CNOT10: variants seen among roughly 807,000 people sequenced by gnomAD.
The protein encoded by CNOT10 is CCR4-NOT transcription complex, subunit 10.
Under a neutral mutation model 94.6 loss-of-function variants are expected in CNOT10, and 30 were observed. The ratio of observed to expected loss-of-function variants is 0.32; its 90% confidence interval spans 0.24 to 0.43. The LOEUF (loss-of-function observed/expected upper bound fraction) is 0.43, where lower values mean the gene tolerates loss of function less well. Ranked by LOEUF, CNOT10 falls within the 20% of genes least tolerant of loss-of-function variation. The pLI, the probability that CNOT10 is intolerant of heterozygous loss-of-function variation, is 1.00. For synonymous variants in CNOT10, 289 were observed against 301.6 expected, an observed-to-expected ratio of 0.96 and a Z score of 0.43; for missense variants, 759 against 877.2, an observed-to-expected ratio of 0.87 and a Z score of 1.70.
At chr3:32,685,921 T>C (rs1033944616) in intron 1 of CNOT10, among the ~76,000 whole-genome samples, 6 of 151,998 alleles carry the variant, frequency 3.9e-5, no homozygotes, top group African/African-American at 1.2e-4. Context: ...TCCTGTGAAA[T>C]TAACTTTGTA....
intron 13 of CNOT10, chr3:32,752,904 A>C: frequency 2.6e-6 from 1 of 386,234 alleles, no homozygotes; most frequent in Non-Finnish European, 5.0e-6. Context: ...AGCAGTGACT[A>C]CGAGGATGGC....
intron 14 of CNOT10, among the ~76,000 whole-genome samples, chr3:32,761,617 A>G (rs2125634896): frequency 1.3e-5 from 2 of 150,612 alleles, no homozygotes; most frequent in South Asian, 2.1e-4. Context: ...GTGCAGTGGC[A>G]TGATCTCAGC....
Position 32,706,285 on chromosome 3 carries a change from C to T in CNOT10, c.279+1313C>T, listed in dbSNP as rs1697619889. Among the ~76,000 whole-genome samples the T allele has an allele frequency of 2.0e-5, 3 of 152,106 alleles. No individual in the cohort carries two copies. The South Asian group carries it at 6.2e-4, about 32-fold the overall frequency. On this transcript the variant is annotated intron_variant, in intron 3 of 18. Coordinates refer to ENST00000328834, the MANE Select transcript of CNOT10 (RefSeq NM_015442.3). ...CTATGACCCCATAGACAGTTTCTTC[C>T]AAGACAAATTTGTTTGGTTTTTGAG...
intron 13 of CNOT10, among the ~76,000 whole-genome samples, chr3:32,746,122 C>T (rs1159601217): frequency 6.6e-6 from 1 of 152,144 alleles, no homozygotes; most frequent in Non-Finnish European, 1.5e-5. Context: ...ACAAACAAAA[C>T]TTTATGAATA....
Position 32,716,267 on chromosome 3 carries a change from G to C in CNOT10, c.616G>C (p.Glu206Gln), listed in dbSNP as rs1698114429. Residue 206 changes from glutamate to glutamine, a missense_variant, in exon 6 of 19, where the codon GAA becomes CAA. Glu to Gln is a conservative substitution (Grantham distance 29, BLOSUM62 2). Around this residue, in one of 3 missense-constraint regions of CNOT10, gnomAD observed 682 missense variants for 799.4 expected, o/e 0.85. Coordinates refer to ENST00000328834, the MANE Select transcript of CNOT10 (RefSeq NM_015442.3). ...CAAAGATGGATCTAATCATAAAGCT[G>C]AAAGTGGAGCTCTAATAGAAGCTGC... The part of the protein sequence containing the change: ...NNKDGSNHKA[E>Q]SGALIEAAKS... 1 of 1,605,664 alleles carries C rather than the reference G, an allele frequency of 6.2e-7. No individual in the cohort carries two copies. Among genetic ancestry groups the C allele is most frequent in the African/African-American group, 1.3e-5 (1 of 74,660 alleles).
intron 1 of CNOT10, among the ~76,000 whole-genome samples, chr3:32,690,526 G>T (rs1440584636): frequency 6.6e-6 from 1 of 151,748 alleles, no homozygotes; most frequent in East Asian, 1.9e-4. Context: ...TTAGGACTAC[G>T]GGTGTGTACT....
intron 13 of CNOT10, among the ~76,000 whole-genome samples, chr3:32,757,778 A>G (rs1160245386): frequency 6.6e-6 from 1 of 152,156 alleles, no homozygotes; most frequent in Non-Finnish European, 1.5e-5. Flanking sequence ...CCATGGGACA[A>G]CCTTGCTGGT....
In CNOT10 at chr3:32,685,457, G is replaced by A; in HGVS notation, c.-4G>A. The A allele has an allele frequency of 9.0e-6, 14 of 1,550,424 alleles. No individual in the cohort carries two copies. Among genetic ancestry groups the A allele is most frequent in the Non-Finnish European group, 1.2e-5 (14 of 1,146,784 alleles). On this transcript the variant is annotated 5_prime_UTR_variant, in exon 1 of 19. Transcript: ENST00000328834. ...CAGGGAAGAACCCGAGTCGAAGCGGGAAGATGGCTGCAGACAAGCCTGCAG... is the reference window on the plus strand; with the variant it reads ...CAGGGAAGAACCCGAGTCGAAGCGGAAAGATGGCTGCAGACAAGCCTGCAG...
chr3:32,760,069 C>T (rs1027960317), intron 14 of CNOT10, among the ~76,000 whole-genome samples: 6 of 151,454 alleles, frequency 4.0e-5, no homozygotes, highest in Non-Finnish European at 7.4e-5. Flanking sequence ...GTAATCCCAG[C>T]TACTCAGGAG....
chr3:32,764,042 A>G (rs1000112149), intron 15 of CNOT10: 5 of 162,418 alleles, frequency 3.1e-5, no homozygotes, highest in African/African-American at 7.2e-5. Context: ...AGGCCAGAGA[A>G]TCACTTGAAC....
At chr3:32,746,090 T>A (rs1559507123) in intron 13 of CNOT10, among the ~76,000 whole-genome samples, 1 of 152,250 alleles carries the variant, frequency 6.6e-6, no homozygotes. Context: ...TACTGTGTGA[T>A]TCCATTTATA....
chr3:32,689,138 A>T (rs917138961), intron 1 of CNOT10, among the ~76,000 whole-genome samples: 20 of 152,262 alleles, frequency 1.3e-4, no homozygotes, highest in African/African-American at 4.8e-4. Context: ...GGATCACCTG[A>T]GGACAGGAGT....
chr3:32,758,163 C>T (rs1371995975), intron 13 of CNOT10, among the ~76,000 whole-genome samples: 2 of 152,154 alleles, frequency 1.3e-5, no homozygotes, highest in African/African-American at 2.4e-5. Flanking sequence ...ACACACTAAG[C>T]TAAAGATTAT....
chr3:32,735,038 T>C lies in CNOT10; in HGVS notation c.1514+62T>C, dbSNP rs1050597999. On this transcript the variant is annotated intron_variant, in intron 12 of 18. Coordinates refer to ENST00000328834, the MANE Select transcript of CNOT10 (RefSeq NM_015442.3). ...TTTCAGGACTTCTTTAGTAAACCCT[T>C]TGTTCTTTAAGTAAATTCCTAAAAT... The C allele has an allele frequency of 7.3e-5, 100 of 1,379,198 alleles. 1 individual carries two copies. The South Asian group carries it at 1.3e-3, about 17-fold the overall frequency. The allele number at this position is 1,379,198 out of a possible 1,614,324, so 85.4% of individuals were successfully genotyped here. A position where few individuals can be genotyped will look rare whatever the true frequency, so the allele number is the denominator to read the frequency against.
intron 1 of CNOT10, among the ~76,000 whole-genome samples, chr3:32,690,997 CT>C (rs35755920): frequency 1.0e-4 from 13 of 128,858 alleles, no homozygotes; most frequent in Admixed American, 1.7e-4. Flanking sequence ...CTAGCTATGA[CT>C]TTTTTTTTTT....
chr3:32,750,684 T>A (rs1450100147), intron 13 of CNOT10, among the ~76,000 whole-genome samples: 3 of 151,872 alleles, frequency 2.0e-5, no homozygotes, highest in Non-Finnish European at 4.4e-5. Context: ...CCTGAGTAGC[T>A]GGGATTATAG....
At chr3:32,758,174 G>A (rs1700296796) in intron 13 of CNOT10, among the ~76,000 whole-genome samples, 1 of 152,148 alleles carries the variant, frequency 6.6e-6, no homozygotes, top group Admixed American at 6.6e-5. Flanking sequence ...TAAAGATTAT[G>A]TTTACTCACT....
At chr3:32,762,623 T>C (rs1700500396) in intron 14 of CNOT10, 110 bp from the exon 15 acceptor site, 10 of 1,118,680 alleles carry the variant, frequency 8.9e-6, no homozygotes, top group African/African-American at 1.7e-5. Flanking sequence ...GGACATGAAA[T>C]ATGAGACCTA....
intron 13 of CNOT10, among the ~76,000 whole-genome samples, chr3:32,756,966 C>T (rs1700247385): frequency 6.6e-6 from 1 of 151,590 alleles, no homozygotes; most frequent in Non-Finnish European, 1.5e-5. Context: ...ATTAGCTGGG[C>T]ATGGTGGCGG....
Sources: allele counts gnomAD v4.1 joint callset (sites outside exome capture counted in the v4.1 genomes callset), GRCh38; gene constraint gnomAD v4.1.1; regional missense constraint gnomAD v4.1.1; transcripts MANE v1.5; gene names NCBI Gene and HGNC (gene_info 2026-07-23, HGNC 2026-07-21).